The following ZNF487 variants were observed in gnomAD, a reference collection of about 807,000 sequenced individuals.
ZNF487 encodes KRAB domain only 1.
ZNF487 carries 4 observed loss-of-function variants against 3.0 expected under a neutral mutation model. The observed-to-expected ratio is 1.35, with a 90% CI of 0.66 to 3.08. ZNF487 has a LOEUF of 3.08. Ranked by LOEUF, ZNF487 falls within the 30% of genes most tolerant of loss-of-function variation. The pLI, the probability that ZNF487 is intolerant of heterozygous loss-of-function variation, is 0.01. For missense variants in ZNF487, 146 were observed against 98.7 expected, an observed-to-expected ratio of 1.48 and a Z score of -2.03; for synonymous variants, 55 against 34.6, an observed-to-expected ratio of 1.59 and a Z score of -2.06.
chr10:43,461,299 G>A (rs1402959323), intron 1 of ZNF487, among the ~76,000 whole-genome samples: 2 of 128,768 alleles, frequency 1.6e-5, no homozygotes, highest in African/African-American at 3.0e-5. Context: ...GAGCCAACAT[G>A]CCCGGCCCAG....
At position 43,467,922 on chromosome 10, in the gene ZNF487, G is replaced by C. The variant is rs191103475; in HGVS notation, c.-93-7799G>C. 2.5e-3 allele frequency among the ~76,000 whole-genome samples: 384 copies of C among 152,248 alleles called. 1 individual carries two copies. The highest frequency in any genetic ancestry group is 2.6e-3 in the Non-Finnish European group (179 of 68,028). ...AGTAAATTGAAAACCTTCTGGAATG[G>C]ATTCACTGCTCAAGATGCCACTAAG... On this transcript the variant is annotated intron_variant, in intron 1 of 3. Transcript: ENST00000437590.
At chr10:43,441,904 A>G (rs919641456) in intron 1 of ZNF487, among the ~76,000 whole-genome samples, 3 of 152,120 alleles carry the variant, frequency 2.0e-5, no homozygotes, top group South Asian at 4.1e-4. Context: ...GTCTTTACAT[A>G]TAAATTTTAG....
chr10:43,459,576 A>T (rs1366123112), intron 1 of ZNF487, among the ~76,000 whole-genome samples: 2 of 151,526 alleles, frequency 1.3e-5, no homozygotes, highest in East Asian at 1.9e-4. Flanking sequence ...TTGAACTTTT[A>T]AAAAAAAATT....
At chr10:43,463,167 G>T (rs1033334763) in intron 1 of ZNF487, among the ~76,000 whole-genome samples, 2 of 151,042 alleles carry the variant, frequency 1.3e-5, no homozygotes, top group African/African-American at 4.9e-5. Context: ...CCAGGAGGCA[G>T]AGGTTGCGGT....
chr10:43,516,144 T>C, the ZNF487 span, among the ~76,000 whole-genome samples: 19 of 152,314 alleles, frequency 1.2e-4, no homozygotes, highest in Admixed American at 1.2e-3. Flanking sequence ...AGCTTCATTA[T>C]GTTCCTTGGT....
chr10:43,460,150 A>C (rs999331658), intron 1 of ZNF487, among the ~76,000 whole-genome samples: 10 of 152,004 alleles, frequency 6.6e-5, no homozygotes, highest in African/African-American at 2.2e-4. Context: ...GAATGAATTT[A>C]ATTATTATTG....
intron 1 of ZNF487, among the ~76,000 whole-genome samples, chr10:43,464,882 G>A (rs1179269331): frequency 4.6e-5 from 7 of 152,168 alleles, no homozygotes; most frequent in Non-Finnish European, 8.8e-5. Context: ...ATGAGCTGTT[G>A]GGTACACCTC....
chr10:43,455,140 C>G (rs1356472512), intron 1 of ZNF487, among the ~76,000 whole-genome samples: 1 of 151,614 alleles, frequency 6.6e-6, no homozygotes, highest in East Asian at 2.0e-4. Context: ...TCCCGAGTAG[C>G]TGGAACTATA....
At position 43,481,707 on chromosome 10, in the gene ZNF487, C is replaced by A; in HGVS notation, c.409C>A (p.Leu137Ile). The A allele has an allele frequency of 1.4e-6, 1 of 713,746 alleles. No individual in the cohort carries two copies. Among genetic ancestry groups the A allele is most frequent in the Non-Finnish European group, 2.6e-6 (1 of 383,840 alleles). The allele number at this position is 713,746 out of a possible 1,614,324, so 44.2% of individuals were successfully genotyped here. A position where few individuals can be genotyped will look rare whatever the true frequency, so the allele number is the denominator to read the frequency against. The change falls in exon 4 of 4, where the codon CTC becomes ATC. Residue 137 changes from leucine to isoleucine, a missense_variant. Leu to Ile is a conservative substitution (Grantham distance 5, BLOSUM62 2). Transcript: ENST00000437590. ...PAECNVRGKF[L>I]LCMKRENPYA... is the part of the protein sequence containing the mutation. Reference sequence around the variant, plus strand: ...TGAGTGTAATGTACGTGGGAAATTTCTCCTCTGTATGAAGCGTGAGAATCC... The same window carrying A: ...TGAGTGTAATGTACGTGGGAAATTTATCCTCTGTATGAAGCGTGAGAATCC...
chr10:43,437,241 G>A lies in ZNF487; in HGVS notation c.-115G>A, dbSNP rs11238541. On this transcript the variant is annotated 5_prime_UTR_variant, in exon 1 of 4. Coordinates refer to ENST00000437590, the MANE Select transcript of ZNF487 (RefSeq NM_001355444.3). ...CGAGGTGCGGGCTGTGAGAGGGGGA[G>A]CGTGGAGCCTCCGAGGCCGAGGTGA... The A allele has an allele frequency of 1.3e-4, 29 of 231,946 alleles. 1 individual carries two copies. The East Asian group carries it at 4.6e-3, about 37-fold the overall frequency. 14.4% of individuals were successfully genotyped at this position (231,946 alleles called of 1,614,324 possible).
At chr10:43,501,033 A>G in the ZNF487 span, among the ~76,000 whole-genome samples, 2 of 152,206 alleles carry the variant, frequency 1.3e-5, no homozygotes, top group African/African-American at 4.8e-5. Flanking sequence ...GTGTACTTAC[A>G]CAAACCTAGA....
intron 1 of ZNF487, among the ~76,000 whole-genome samples, chr10:43,465,808 T>C (rs1235898488): frequency 1.3e-5 from 2 of 152,172 alleles, no homozygotes; most frequent in Non-Finnish European, 2.9e-5. Flanking sequence ...GAGGCTGCAA[T>C]CTCGGCACTT....
At chr10:43,509,191 C>G in the ZNF487 span, among the ~76,000 whole-genome samples, 15 of 62,198 alleles carry the variant, frequency 2.4e-4, no homozygotes, top group South Asian at 8.6e-3. Context: ...AAGACTCTGT[C>G]CAAAAAAAAA....
chr10:43,470,469 C>T (rs1304946330), intron 1 of ZNF487, among the ~76,000 whole-genome samples: 1 of 151,800 alleles, frequency 6.6e-6, no homozygotes, highest in East Asian at 1.9e-4. Context: ...CCGCAACCTC[C>T]ACCTCCCAGG....
At chr10:43,481,224 G>A (rs1280727819) in intron 3 of ZNF487, among the ~76,000 whole-genome samples, 5 of 151,714 alleles carry the variant, frequency 3.3e-5, no homozygotes, top group African/African-American at 9.7e-5. Context: ...CCATTTACTC[G>A]AGAAGCTGAG....
chr10:43,454,412 C>G (rs1221922015), intron 1 of ZNF487: 1 of 152,216 alleles, frequency 6.6e-6, no homozygotes, highest in African/African-American at 2.4e-5. Flanking sequence ...TTTATTATGA[C>G]TATACTGGTC....
chr10:43,481,260 G>T (rs1233240322), intron 3 of ZNF487, among the ~76,000 whole-genome samples, 169 bp from the exon 4 acceptor site: 1 of 151,982 alleles, frequency 6.6e-6, no homozygotes, highest in Admixed American at 6.6e-5. Context: ...GAGCCTGGGA[G>T]GTTGAGGCTG....
the ZNF487 span, among the ~76,000 whole-genome samples, chr10:43,519,614 C>T: frequency 6.6e-6 from 1 of 152,062 alleles, no homozygotes; most frequent in Non-Finnish European, 1.5e-5. Flanking sequence ...ACTACAGGTG[C>T]CCGCCACCAC....
Position 43,482,575 on chromosome 10 carries a change from C to A in ZNF487, c.*653C>A. The stretch of plus-strand genomic sequence containing the variant: ...CAGAGAACACACACAGGAGAGAAAC[C>A]CTATGGATGTAATGAATGTCAGAAA... On this transcript the variant is annotated 3_prime_UTR_variant, in exon 4 of 4. Coordinates refer to ENST00000437590, the MANE Select transcript of ZNF487 (RefSeq NM_001355444.3). The A allele has an allele frequency of 2.0e-6, 1 of 509,522 alleles. No homozygotes were observed. Among genetic ancestry groups the A allele is most frequent in the Non-Finnish European group, 4.0e-6 (1 of 249,820 alleles). 31.6% of individuals were successfully genotyped at this position (509,522 alleles called of 1,614,324 possible). A position where few individuals can be genotyped will look rare whatever the true frequency, so the allele number is the denominator to read the frequency against.
Sources: gnomAD v4.1 joint callset for allele counts (sites outside exome capture counted in the v4.1 genomes callset) on GRCh38, gnomAD v4.1.1 for gene constraint, MANE v1.5 for transcripts, NCBI Gene and HGNC (gene_info 2026-07-23, HGNC 2026-07-21) for gene names.